ATXN10: variants seen among roughly 807,000 people sequenced by gnomAD.
The protein encoded by ATXN10 is ataxin-10.
In ATXN10, 28 loss-of-function variants were observed where a neutral mutation model predicts 52.9. That is an observed-to-expected ratio of 0.53 (90% CI 0.39 to 0.73). The LOEUF (loss-of-function observed/expected upper bound fraction) is 0.73, where lower values mean the gene tolerates loss of function less well. Ranked by LOEUF, ATXN10 falls within the 30% of genes least tolerant of loss-of-function variation. The probability of loss-of-function intolerance (pLI) is 0.00; values close to 1 mark genes in which losing one functional copy is unlikely to be tolerated. For missense variants in ATXN10, 565 were observed against 577.0 expected, an observed-to-expected ratio of 0.98 and a Z score of 0.21; for synonymous variants, 226 against 221.5, an observed-to-expected ratio of 1.02 and a Z score of -0.18.
chr22:45,807,097 T>A (rs548652658), intron 10 of ATXN10, 75 bp downstream of exon 10: 27 of 1,197,762 alleles, frequency 2.3e-5, no homozygotes, highest in Non-Finnish European at 3.0e-5. Flanking sequence ...TTGCCTCATG[T>A]TCATTCAGTA....
intron 10 of ATXN10, among the ~76,000 whole-genome samples, chr22:45,829,864 A>T (rs946314549): frequency 9.9e-5 from 15 of 152,198 alleles, no homozygotes; most frequent in South Asian, 2.1e-4. Flanking sequence ...AGATATAGAA[A>T]AACCCATTCC....
rs377732831 is a variant in ATXN10 at position 45,841,072 on chromosome 22, A to G, written c.1238-1919A>G. ...CTTGATACCGGGGCTCGTTATCTTT[A>G]TTCTCTATACTGGCACAAAGTGGGG... On this transcript the variant is annotated intron_variant, in intron 10 of 11. Coordinates refer to ENST00000252934, the MANE Select transcript of ATXN10 (RefSeq NM_013236.4). This position sits in a 1 kb window ranked among gnomAD's most constrained non-coding sequence, Gnocchi z 5.1. Among the ~76,000 whole-genome samples the G allele has an allele frequency of 3.3e-5, 5 of 152,018 alleles. No individual in the cohort carries two copies. In the East Asian group the frequency reaches 7.7e-4, roughly 23 times the overall value.
At chr22:45,821,405 G>A (rs1928644797) in intron 10 of ATXN10, among the ~76,000 whole-genome samples, 1 of 149,494 alleles carries the variant, frequency 6.7e-6, no homozygotes, top group Non-Finnish European at 1.5e-5. Flanking sequence ...TAATTAGGAA[G>A]CACCAGGAAA....
chr22:45,695,494 C>CT (rs34688034), intron 3 of ATXN10, among the ~76,000 whole-genome samples: 95,136 of 140,908 alleles, frequency 0.68, 33,870 homozygotes, highest in South Asian at 0.82. Flanking sequence ...AGGCATATTT[C>CT]TTTTTTTTTT....
intron 6 of ATXN10, among the ~76,000 whole-genome samples, chr22:45,723,886 G>T (rs2146781893): frequency 6.6e-6 from 1 of 151,962 alleles, no homozygotes; most frequent in African/African-American, 2.4e-5. Context: ...GAACCTGGGA[G>T]ACGGAGGTTG....
rs1029315036 is a variant in ATXN10 at position 45,783,474 on chromosome 22, A to T, written c.1174-23485A>T. ...GTAAATTCTTTCTGTTGCTTTCAGG[A>T]CAAAGTTAAAACTGGTAAGCTTGGC... On this transcript the variant is annotated intron_variant, in intron 9 of 11. Coordinates refer to ENST00000252934, the MANE Select transcript of ATXN10 (RefSeq NM_013236.4). The surrounding 1 kb of genome is among the most constrained non-coding windows in gnomAD (Gnocchi z 5.0). Among the ~76,000 whole-genome samples, 4 of 152,216 alleles carry T rather than the reference A, an allele frequency of 2.6e-5. No individual in the cohort carries two copies. The highest frequency in any genetic ancestry group is 2.6e-4 in the Admixed American group (4 of 15,276).
rs201126040 is a variant in ATXN10 at position 45,815,976 on chromosome 22, G to A, written c.1237+8954G>A. Among the ~76,000 whole-genome samples, 90 of 152,224 alleles carry A rather than the reference G, an allele frequency of 5.9e-4. 1 individual carries two copies. In the East Asian group the frequency reaches 0.013, roughly 22 times the overall value. ...AATAAAATTCACTGTCTGGCCAGGC[G>A]CGGTGGCTCCTGCCTGTAATCCTAG... On this transcript the variant is annotated intron_variant, in intron 10 of 11. Transcript: ENST00000252934.
At chr22:45,711,795 A>G (rs1924260430) in intron 5 of ATXN10, among the ~76,000 whole-genome samples, 1 of 152,200 alleles carries the variant, frequency 6.6e-6, no homozygotes, top group African/African-American at 2.4e-5. Context: ...TCTGATTGCC[A>G]TAGAATTAGT....
At chr22:45,832,883 G>A (rs895340476) in intron 10 of ATXN10, among the ~76,000 whole-genome samples, 8 of 152,142 alleles carry the variant, frequency 5.3e-5, no homozygotes, top group African/African-American at 1.9e-4. Flanking sequence ...ACGCGTCAAG[G>A]GAGAGTTTTA....
rs898785608 is a variant in ATXN10, at chr22:45,690,945, C to T, written c.308+1042C>T. 7.9e-5 allele frequency among the ~76,000 whole-genome samples: 12 copies of T among 152,260 alleles called. No homozygotes were observed. The highest frequency in any genetic ancestry group is 2.6e-4 in the African/African-American group (11 of 41,548). ...CCAGGCTTCCCTGTCACCACTGTGACGGGTAAGCTTGGGCTGGTCCAGAAG... is the reference window on the plus strand; with the variant it reads ...CCAGGCTTCCCTGTCACCACTGTGATGGGTAAGCTTGGGCTGGTCCAGAAG... On this transcript the variant is annotated intron_variant, in intron 2 of 11. Coordinates refer to ENST00000252934, the MANE Select transcript of ATXN10 (RefSeq NM_013236.4). This position sits in a 1 kb window ranked among gnomAD's most constrained non-coding sequence, Gnocchi z 4.5.
At position 45,766,520 on chromosome 22, in the gene ATXN10, C is replaced by T. The variant is rs1223119383; in HGVS notation, c.1173+25982C>T. On this transcript the variant is annotated intron_variant, in intron 9 of 11. Coordinates refer to ENST00000252934, the MANE Select transcript of ATXN10 (RefSeq NM_013236.4). The surrounding 1 kb of genome is among the most constrained non-coding windows in gnomAD (Gnocchi z 4.6). ...TCCTTTAGATAAAACTGGATACATC[C>T]CTTATAACATAGACATCAGTTTGAA... 6.6e-6 allele frequency among the ~76,000 whole-genome samples: 1 copy of T among 152,052 alleles called. No homozygotes were observed. Among genetic ancestry groups the T allele is most frequent in the Non-Finnish European group, 1.5e-5 (1 of 68,024 alleles).
Position 45,672,015 on chromosome 22 carries a change from C to G in ATXN10, c.-49C>G. ...CCTCGTCATCCTCCCCCTTCGTCCT[C>G]CTCGCCTTCCTCCTCCTCGTCAGGC... On this transcript the variant is annotated 5_prime_UTR_variant, in exon 1 of 12. Transcript: ENST00000252934. 1.3e-6 allele frequency: 2 copies of G among 1,525,590 alleles called. No homozygotes were observed. Among genetic ancestry groups the G allele is most frequent in the Non-Finnish European group, 8.8e-7 (1 of 1,139,252 alleles). The allele number at this position is 1,525,590 out of a possible 1,614,324, so 94.5% of individuals were successfully genotyped here. A position where few individuals can be genotyped will look rare whatever the true frequency, so the allele number is the denominator to read the frequency against.
At chr22:45,717,410 G>T (rs1037951432) in intron 5 of ATXN10, among the ~76,000 whole-genome samples, 1 of 152,172 alleles carries the variant, frequency 6.6e-6, no homozygotes, top group African/African-American at 2.4e-5. Context: ...TGAGCTTTAA[G>T]ATCTCAATTT....
intron 9 of ATXN10, chr22:45,792,757 CTT>C: frequency 2.1e-6 from 1 of 467,448 alleles, no homozygotes; most frequent in Non-Finnish European, 4.3e-6. Context: ...AGGTTTTTCT[CTT>C]CTTTTGAAAT....
Position 45,740,424 on chromosome 22 carries a change from T to C in ATXN10, c.1059T>C (p.Asn353=), listed in dbSNP as rs1172429363. 1 of 1,613,918 alleles carries C rather than the reference T, an allele frequency of 6.2e-7. No individual in the cohort carries two copies. The highest frequency in any genetic ancestry group is 1.3e-5 in the African/African-American group (1 of 74,986). The stretch of plus-strand genomic sequence containing the variant: ...AAGAAACCACAAACATCTTCAGTAA[T>C]TGTGGTTGCGTGAGAGCAGAAGGTG... ...AGKETTNIFS[N]CGCVRAEGDI... The change falls in exon 9 of 12, where the codon AAT becomes AAC. Residue 353 remains asparagine (N), a synonymous_variant. Coordinates refer to ENST00000252934, the MANE Select transcript of ATXN10 (RefSeq NM_013236.4).
chr22:45,824,839 A>G lies in ATXN10; in HGVS notation c.1237+17817A>G, dbSNP rs1404345724. Among the ~76,000 whole-genome samples, 2 of 152,198 alleles carry G rather than the reference A, an allele frequency of 1.3e-5. No individual in the cohort carries two copies. The highest frequency in any genetic ancestry group is 1.5e-5 in the Non-Finnish European group (1 of 68,026). ...CTTGTAACAACAACAGTAATAACAG[A>G]TTTGTGTGGGAGAGGGTTCAGGGAA... On this transcript the variant is annotated intron_variant, in intron 10 of 11. Coordinates refer to ENST00000252934, the MANE Select transcript of ATXN10 (RefSeq NM_013236.4). This position sits in a 1 kb window ranked among gnomAD's most constrained non-coding sequence, Gnocchi z 5.2.
intron 5 of ATXN10, among the ~76,000 whole-genome samples, chr22:45,707,809 A>G (rs1924100394): frequency 6.6e-6 from 1 of 152,122 alleles, no homozygotes; most frequent in African/African-American, 2.4e-5. Flanking sequence ...GGAACTCTAC[A>G]TTTGGTAACA....
Position 45,705,550 on chromosome 22 carries a change from A to G in ATXN10, c.647+2703A>G, listed in dbSNP as rs9614766. 0.04 allele frequency among the ~76,000 whole-genome samples: 6,097 copies of G among 151,980 alleles called. 144 individuals are homozygous for G. Among genetic ancestry groups the G allele is most frequent in the Non-Finnish European group, 0.044 (3,008 of 67,944 alleles). On this transcript the variant is annotated intron_variant, in intron 5 of 11. Coordinates refer to ENST00000252934, the MANE Select transcript of ATXN10 (RefSeq NM_013236.4). This position sits in a 1 kb window ranked among gnomAD's most constrained non-coding sequence, Gnocchi z 5.2. ...TTGGGTTCAAGCAATTCTCTGCCTC[A>G]GTCTCCTGAATAGCTGGGATTGCAG...
rs932987192 is a variant in ATXN10 at position 45,718,356 on chromosome 22, G to A, written c.648-57G>A. 7 of 1,284,786 alleles carry A rather than the reference G, an allele frequency of 5.4e-6. No homozygotes were observed. The highest frequency in any genetic ancestry group is 1.8e-4 in the Middle Eastern group (1 of 5,456). The allele number at this position is 1,284,786 out of a possible 1,614,324, so 79.6% of individuals were successfully genotyped here. Reference sequence around the variant, plus strand: ...AGTGGTGCCTATAAAGTAGATAAGGGCATGTCTCTTTTACTATGTTTCAAG... The same window carrying A: ...AGTGGTGCCTATAAAGTAGATAAGGACATGTCTCTTTTACTATGTTTCAAG... On this transcript the variant is annotated intron_variant, in intron 5 of 11. Coordinates refer to ENST00000252934, the MANE Select transcript of ATXN10 (RefSeq NM_013236.4). This position sits in a 1 kb window ranked among gnomAD's most constrained non-coding sequence, Gnocchi z 4.4.
Sources: allele counts gnomAD v4.1 joint callset (sites outside exome capture counted in the v4.1 genomes callset), GRCh38; gene constraint gnomAD v4.1.1; non-coding constraint Gnocchi (gnomAD v3.1); transcripts MANE v1.5; gene names NCBI Gene and HGNC (gene_info 2026-07-23, HGNC 2026-07-21).